Variants in CAV1 observed in about 807,000 individuals in gnomAD.
CAV1 encodes the protein caveolin 1.
Under a neutral mutation model 16.5 loss-of-function variants are expected in CAV1, and 10 were observed. The ratio of observed to expected loss-of-function variants is 0.61; its 90% CI spans 0.37 to 1.03. CAV1 has a LOEUF of 1.03. CAV1 is among the 50% of genes least tolerant of loss of function. The pLI is 0.01. For synonymous variants in CAV1, 76 were observed against 85.1 expected, an observed-to-expected ratio of 0.89 and a Z score of 0.59; for missense variants, 212 against 232.8, an observed-to-expected ratio of 0.91 and a Z score of 0.58.
At chr7:116,539,228 C>A (rs983900786) in intron 2 of CAV1, among the ~76,000 whole-genome samples, 5 of 152,110 alleles carry the variant, frequency 3.3e-5, no homozygotes, top group African/African-American at 1.2e-4. Context: ...TTTATCTCTG[C>A]TGTGGCATTC....
At chr7:116,539,693 A>C (rs1793898180) in intron 2 of CAV1, among the ~76,000 whole-genome samples, 1 of 152,160 alleles carries the variant, frequency 6.6e-6, no homozygotes, top group Non-Finnish European at 1.5e-5. Context: ...TGAGGAGGAC[A>C]CAAATATATC....
chr7:116,553,009 A>G (rs1235736498), intron 2 of CAV1, among the ~76,000 whole-genome samples: 3 of 152,206 alleles, frequency 2.0e-5, no homozygotes, highest in African/African-American at 7.2e-5. Context: ...TGTGTTCTAT[A>G]TATCCAGTAG....
Position 116,560,905 on chromosome 7 carries a change from G to GA in CAV1, c.*1622dup, listed in dbSNP as rs1159124134. ...TTACTTTTAAACTGTGTACATAACT[G>GA]AAAATGTGCTATACTGCATACTTTT... On this transcript the variant is annotated 3_prime_UTR_variant, in exon 3 of 3. Coordinates refer to ENST00000341049, the MANE Select transcript of CAV1 (RefSeq NM_001753.5). 6.6e-6 allele frequency: 1 copy of GA among 152,542 alleles called. No homozygotes were observed. Among genetic ancestry groups the GA allele is most frequent in the Non-Finnish European group, 1.5e-5 (1 of 68,032 alleles). The allele number at this position is 152,542 out of a possible 1,614,324, so 9.4% of individuals were successfully genotyped here.
chr7:116,526,593 A>C lies in CAV1; in HGVS notation c.99A>C (p.Ala33=). ...ACAAGCCCAACAACAAGGCCATGGC[A>C]GACGAGCTGAGCGAGAAGCAAGTGT... is the stretch of plus-strand genomic sequence containing the variant. ...NIYKPNNKAM[A]DELSEKQVYD... is the part of the protein sequence containing the mutation. The change falls in exon 2 of 3, where the codon GCA becomes GCC. Residue 33 remains alanine, a synonymous_variant. Transcript: ENST00000341049. The C allele has an allele frequency of 6.2e-7, 1 of 1,614,194 alleles. No individual in the cohort carries two copies. The highest frequency in any genetic ancestry group is 8.5e-7 in the Non-Finnish European group (1 of 1,180,042).
intron 2 of CAV1, among the ~76,000 whole-genome samples, chr7:116,541,753 CA>C (rs5886829): frequency 0.91 from 99,766 of 109,062 alleles, 45,796 homozygotes; most frequent in East Asian, 0.97. Flanking sequence ...GAGCCTGCCT[CA>C]AAAAAAAAAA....
chr7:116,550,165 T>A (rs1794129886), intron 2 of CAV1, among the ~76,000 whole-genome samples: 1 of 152,114 alleles, frequency 6.6e-6, no homozygotes. Context: ...GGTCAGTGAC[T>A]GCAGGTCCCC....
chr7:116,526,281 G>T, intron 1 of CAV1: 1 of 1,287,600 alleles, frequency 7.8e-7, no homozygotes, highest in Admixed American at 3.3e-5. Context: ...GGGGGAGGCA[G>T]GCGCGCCCTG....
At position 116,559,606 on chromosome 7, in the gene CAV1, C is replaced by T; in HGVS notation, c.*319C>T. On this transcript the variant is annotated 3_prime_UTR_variant, in exon 3 of 3. Coordinates refer to ENST00000341049, the MANE Select transcript of CAV1 (RefSeq NM_001753.5). Reference sequence around the variant, plus strand: ...GGTAATTTGAGAGAAATATGAAGAACTGAGGAGGAAAAAAAAAAAAAAGAA... The same window carrying T: ...GGTAATTTGAGAGAAATATGAAGAATTGAGGAGGAAAAAAAAAAAAAAGAA... 1 of 470,140 alleles carries T rather than the reference C, an allele frequency of 2.1e-6. No homozygotes were observed. Among genetic ancestry groups the T allele is most frequent in the Non-Finnish European group, 3.7e-6 (1 of 271,488 alleles). The allele number at this position is 470,140 out of a possible 1,614,324, so 29.1% of individuals were successfully genotyped here. A position where few individuals can be genotyped will look rare whatever the true frequency, so the allele number is the denominator to read the frequency against.
intron 2 of CAV1, 169 bp downstream of exon 2, chr7:116,526,858 G>T: frequency 1.4e-6 from 1 of 718,062 alleles, no homozygotes; most frequent in Non-Finnish European, 2.4e-6. Context: ...AGCTCCCGCA[G>T]TCGGCAGAAA....
rs1230681045 is a variant in CAV1, at chr7:116,525,077, A to G, written c.15A>G (p.Lys5=). Residue 5 remains lysine (K), a synonymous_variant, in exon 1 of 3, where the codon AAA becomes AAG. Transcript: ENST00000341049. ...CACGGGCCAGCATGTCTGGGGGCAA[A>G]TACGTAGACTCGGAGGTAGGCATCC... The part of the protein sequence containing the change: MSGG[K]YVDSEGHLYT... 6.2e-7 allele frequency: 1 copy of G among 1,614,122 alleles called. No homozygotes were observed. The highest frequency in any genetic ancestry group is 1.1e-5 in the South Asian group (1 of 91,080).
chr7:116,546,416 G>T lies in CAV1; in HGVS notation c.196-12530G>T. 3.9e-5 allele frequency among the ~76,000 whole-genome samples: 6 copies of T among 152,224 alleles called. 1 individual carries two copies. The highest frequency in any genetic ancestry group is 3.9e-4 in the Admixed American group (6 of 15,292). ...ATAAAAAAGAATATGCAGGCCAGGC[G>T]TGGTGGCTCATGCCTGTAATCCCAG... On this transcript the variant is annotated intron_variant, in intron 2 of 2. Transcript: ENST00000341049.
In CAV1 at chr7:116,526,533, C is replaced by A. The variant is rs1793565574; in HGVS notation, c.39C>A (p.Leu13=). 1 of 1,614,108 alleles carries A rather than the reference C, an allele frequency of 6.2e-7. No individual in the cohort carries two copies. The highest frequency in any genetic ancestry group is 8.5e-7 in the Non-Finnish European group (1 of 1,180,030). The part of the protein sequence containing the change: ...GGKYVDSEGH[L]YTVPIREQGN... ...CCCTCCGCCCTCTGCAGGGACATCT[C>A]TACACCGTTCCCATCCGGGAACAGG... is the stretch of plus-strand genomic sequence containing the variant. Residue 13 remains leucine, a synonymous_variant, in exon 2 of 3, where the codon CTC becomes CTA. Coordinates refer to ENST00000341049, the MANE Select transcript of CAV1 (RefSeq NM_001753.5).
chr7:116,535,130 A>G (rs528386778), intron 2 of CAV1, among the ~76,000 whole-genome samples: 12 of 152,352 alleles, frequency 7.9e-5, no homozygotes, highest in Middle Eastern at 3.4e-3. Flanking sequence ...AGCCGCAAGT[A>G]ATAGCATCCA....
chr7:116,544,302 T>C (rs897930688), intron 2 of CAV1, among the ~76,000 whole-genome samples: 1 of 152,230 alleles, frequency 6.6e-6, no homozygotes, highest in Non-Finnish European at 1.5e-5. Flanking sequence ...TGGGAGATTT[T>C]ATCAGGTTAG....
In CAV1 at chr7:116,549,902, A is replaced by G. The variant is rs561002797; in HGVS notation, c.196-9044A>G. On this transcript the variant is annotated intron_variant, in intron 2 of 2. Transcript: ENST00000341049. ...TTGATGTAGTCACTTTTTAGTCACT[A>G]CAGGTGACTACATTTAGTCACTACA... Among the ~76,000 whole-genome samples, 8 of 152,322 alleles carry G rather than the reference A, an allele frequency of 5.3e-5. No homozygotes were observed. In the South Asian group the frequency reaches 1.7e-3, roughly 32 times the overall value.
chr7:116,530,603 T>C (rs1032855592), intron 2 of CAV1, among the ~76,000 whole-genome samples: 9 of 152,014 alleles, frequency 5.9e-5, no homozygotes, highest in African/African-American at 2.2e-4. Flanking sequence ...GGAGGACAGA[T>C]GGATTGCAAA....
chr7:116,533,617 A>G (rs2742128), intron 2 of CAV1, among the ~76,000 whole-genome samples: 1 of 152,084 alleles, frequency 6.6e-6, no homozygotes, highest in Non-Finnish European at 1.5e-5. Context: ...ATTCCCGGCT[A>G]ATTGTTTTAG....
At chr7:116,543,565 A>G (rs572705623) in intron 2 of CAV1, among the ~76,000 whole-genome samples, 54 of 152,350 alleles carry the variant, frequency 3.5e-4, no homozygotes, top group African/African-American at 1.3e-3. Context: ...TCTAAGATGG[A>G]TCAGAAAATC....
At position 116,547,420 on chromosome 7, in the gene CAV1, A is replaced by G. The variant is rs150483302; in HGVS notation, c.196-11526A>G. Reference sequence around the variant, plus strand: ...CTTCAAACAAAAGGAAAGGAGGAATAAGATGAAAAGGAATTAATCCAAAGC... The same window carrying G: ...CTTCAAACAAAAGGAAAGGAGGAATGAGATGAAAAGGAATTAATCCAAAGC... On this transcript the variant is annotated intron_variant, in intron 2 of 2. Transcript: ENST00000341049. Among the ~76,000 whole-genome samples the G allele has an allele frequency of 3.2e-4, 48 of 152,350 alleles. No homozygotes were observed. In the East Asian group the frequency reaches 6.4e-3, roughly 20 times the overall value.
Sources: gnomAD v4.1 joint callset for allele counts (sites outside exome capture counted in the v4.1 genomes callset) on GRCh38, gnomAD v4.1.1 for gene constraint, MANE v1.5 for transcripts, NCBI Gene and HGNC (gene_info 2026-07-23, HGNC 2026-07-21) for gene names.